Variants in SERTAD4 observed in about 807,000 individuals in gnomAD.
SERTAD4 encodes the protein SERTA domain containing 4.
Under a neutral mutation model 32.9 loss-of-function variants are expected in SERTAD4, and 18 were observed. The ratio of observed to expected loss-of-function variants is 0.55; its 90% CI spans 0.38 to 0.81. The LOEUF is 0.81. Among genes scored for constraint, SERTAD4 ranks in the 30% least tolerant of loss-of-function variants. The pLI is 0.00. For synonymous variants in SERTAD4, 150 were observed against 156.4 expected (o/e 0.96, Z 0.30); for missense variants, 383 against 426.0 (o/e 0.90, Z 0.89).
At chr1:210,236,213 G>A (rs1016743705) in intron 1 of SERTAD4, among the ~76,000 whole-genome samples, 2 of 152,174 alleles carry the variant, frequency 1.3e-5, no homozygotes, top group African/African-American at 4.8e-5. Flanking sequence ...ATGTCCCATC[G>A]TTTCTTTGTA....
At chr1:210,233,530 C>G in intron 1 of SERTAD4, 1 of 369,860 alleles carries the variant, frequency 2.7e-6, no homozygotes, top group Non-Finnish European at 5.3e-6. Context: ...GGAATTGATG[C>G]AGTAGCTGAC....
At chr1:210,238,789 T>C (rs910771086) in intron 2 of SERTAD4, among the ~76,000 whole-genome samples, 5 of 152,226 alleles carry the variant, frequency 3.3e-5, no homozygotes, top group Non-Finnish European at 7.3e-5. Context: ...GATTCTTTCT[T>C]CTTATAGTTT....
At chr1:210,239,873 A>G in intron 3 of SERTAD4, among the ~76,000 whole-genome samples, 1 of 152,122 alleles carries the variant, frequency 6.6e-6, no homozygotes, top group East Asian at 1.9e-4. Context: ...ATGATTTAAT[A>G]TTTCTCAGAC....
At position 210,242,253 on chromosome 1, in the gene SERTAD4, T is replaced by C; in HGVS notation, c.987T>C (p.Asn329=). 6.2e-7 allele frequency: 1 copy of C among 1,613,010 alleles called. No homozygotes were observed. The highest frequency in any genetic ancestry group is 8.5e-7 in the Non-Finnish European group (1 of 1,179,760). ...GATATAATGAAAGAAACAATGTAAATGAATCTTGGAAAAAGTCCTTACGGA... is the reference window on the plus strand; with the variant it reads ...GATATAATGAAAGAAACAATGTAAACGAATCTTGGAAAAAGTCCTTACGGA... ...ETGYNERNNV[N]ESWKKSLRKK... is the part of the protein sequence containing the mutation. The change falls in exon 4 of 4, where the codon AAT becomes AAC. Residue 329 remains asparagine (N), a synonymous_variant. Coordinates refer to ENST00000367012, the MANE Select transcript of SERTAD4 (RefSeq NM_019605.5). The surrounding 1 kb of genome is among the most constrained non-coding windows in gnomAD (Gnocchi z 4.0).
At position 210,244,347 on chromosome 1, in the gene SERTAD4, G is replaced by A. The variant is rs1177030468; in HGVS notation, c.*2010G>A. 1 of 152,200 alleles carries A rather than the reference G, an allele frequency of 6.6e-6. No individual in the cohort carries two copies. The highest frequency in any genetic ancestry group is 1.5e-5 in the Non-Finnish European group (1 of 68,038). The allele number at this position is 152,200 out of a possible 1,614,324, so 9.4% of individuals were successfully genotyped here. A position where few individuals can be genotyped will look rare whatever the true frequency, so the allele number is the denominator to read the frequency against. On this transcript the variant is annotated 3_prime_UTR_variant, in exon 4 of 4. Coordinates refer to ENST00000367012, the MANE Select transcript of SERTAD4 (RefSeq NM_019605.5). ...ATGATGTGGTGATCAATAAGGTTATGTCTGAAAGAATGTAAAGATTTTCCT... is the reference window on the plus strand; with the variant it reads ...ATGATGTGGTGATCAATAAGGTTATATCTGAAAGAATGTAAAGATTTTCCT...
Position 210,238,118 on chromosome 1 carries a change from C to G in SERTAD4, c.158C>G (p.Ala53Gly), listed in dbSNP as rs1248317966. Residue 53 changes from alanine (A) to glycine (G), a missense_variant, in exon 2 of 4, where the codon GCT becomes GGT. Ala to Gly is a moderately conservative substitution (Grantham distance 60, BLOSUM62 0). Transcript: ENST00000367012. The stretch of plus-strand genomic sequence containing the variant: ...GCTCCTTTGCAGGGAGACCGGGGAG[C>G]TGGTCCCCCACTGGCAGGTATTGCC... Reference protein sequence around the residue: ...AQAPLQGDRGAGPPLAGSHYR... With the variant: ...AQAPLQGDRGGGPPLAGSHYR... The G allele has an allele frequency of 3.1e-6, 5 of 1,607,648 alleles. No homozygotes were observed. The highest frequency in any genetic ancestry group is 1.3e-5 in the African/African-American group (1 of 74,530).
At chr1:210,235,674 A>G (rs1482471431) in intron 1 of SERTAD4, among the ~76,000 whole-genome samples, 1 of 152,222 alleles carries the variant, frequency 6.6e-6, no homozygotes, top group Non-Finnish European at 1.5e-5. Context: ...AATTCCTCAC[A>G]ACCAAAAAAG....
In SERTAD4 at chr1:210,243,542, TA is replaced by T. The variant is rs1367083642; in HGVS notation, c.*1208del. ...TCAATAAGGTTTATCTTAAAGAATGTAAAGACTTTAGGTTTTTGAAAGTTAT... is the reference window on the plus strand; with the variant it reads ...TCAATAAGGTTTATCTTAAAGAATGTAAGACTTTAGGTTTTTGAAAGTTAT... On this transcript the variant is annotated 3_prime_UTR_variant, in exon 4 of 4. Coordinates refer to ENST00000367012, the MANE Select transcript of SERTAD4 (RefSeq NM_019605.5). 3.3e-5 allele frequency: 5 copies of T among 152,244 alleles called. No homozygotes were observed. The highest frequency in any genetic ancestry group is 1.2e-4 in the African/African-American group (5 of 41,470). 9.4% of individuals were successfully genotyped at this position (152,244 alleles called of 1,614,324 possible). A position where few individuals can be genotyped will look rare whatever the true frequency, so the allele number is the denominator to read the frequency against.
chr1:210,244,141 C>T lies in SERTAD4; in HGVS notation c.*1804C>T, dbSNP rs2084025673. On this transcript the variant is annotated 3_prime_UTR_variant, in exon 4 of 4. Coordinates refer to ENST00000367012, the MANE Select transcript of SERTAD4 (RefSeq NM_019605.5). ...TTTAATGGCTATTGGCTATGTTTCT[C>T]TTTTCCATTATTCTCTCTCCTTTAA... The T allele has an allele frequency of 6.6e-6, 1 of 152,114 alleles. No individual in the cohort carries two copies. Among genetic ancestry groups the T allele is most frequent in the African/African-American group, 2.4e-5 (1 of 41,420 alleles). The allele number at this position is 152,114 out of a possible 1,614,324, so 9.4% of individuals were successfully genotyped here.
intron 1 of SERTAD4, chr1:210,233,704 C>T (rs1201941781): frequency 1.1e-5 from 5 of 470,914 alleles, no homozygotes; most frequent in South Asian, 3.1e-5. Context: ...TCCTCCCCTC[C>T]CGCCTCTTCG....
In SERTAD4 at chr1:210,243,471, C is replaced by G. The variant is rs1159733351; in HGVS notation, c.*1134C>G. Reference sequence around the variant, plus strand: ...AAGCATGTGGGTTTTTATATATGAACTTTGCTGTTGATTAAGAAGCACAAT... The same window carrying G: ...AAGCATGTGGGTTTTTATATATGAAGTTTGCTGTTGATTAAGAAGCACAAT... On this transcript the variant is annotated 3_prime_UTR_variant, in exon 4 of 4. Coordinates refer to ENST00000367012, the MANE Select transcript of SERTAD4 (RefSeq NM_019605.5). The G allele has an allele frequency of 6.6e-6, 1 of 152,102 alleles. No individual in the cohort carries two copies. The highest frequency in any genetic ancestry group is 2.4e-5 in the African/African-American group (1 of 41,412). The allele number at this position is 152,102 out of a possible 1,614,324, so 9.4% of individuals were successfully genotyped here.
chr1:210,243,005 AT>A lies in SERTAD4; in HGVS notation c.*673del, dbSNP rs2084014069. The A allele has an allele frequency of 7.2e-6, 7 of 966,972 alleles. No homozygotes were observed. The South Asian group carries it at 2.0e-4, about 27-fold the overall frequency. The allele number at this position is 966,972 out of a possible 1,614,324, so 59.9% of individuals were successfully genotyped here. A position where few individuals can be genotyped will look rare whatever the true frequency, so the allele number is the denominator to read the frequency against. On this transcript the variant is annotated 3_prime_UTR_variant, in exon 4 of 4. Coordinates refer to ENST00000367012, the MANE Select transcript of SERTAD4 (RefSeq NM_019605.5). The stretch of plus-strand genomic sequence containing the variant: ...TTTTAGAGAGGTGTTATACAGGGCG[AT>A]TTTTGGTGCCTTACTTTTATCTTAA...
At chr1:210,237,600 T>C (rs2083953673) in intron 1 of SERTAD4, 1 of 199,030 alleles carries the variant, frequency 5.0e-6, no homozygotes, top group Non-Finnish European at 1.0e-5. Flanking sequence ...GGTTTTGGCT[T>C]CTTAGCAGTA....
At position 210,238,522 on chromosome 1, in the gene SERTAD4, A is replaced by G. The variant is rs2083965708; in HGVS notation, c.175+387A>G. On this transcript the variant is annotated intron_variant, in intron 2 of 3. Coordinates refer to ENST00000367012, the MANE Select transcript of SERTAD4 (RefSeq NM_019605.5). ...CAATGACACCTTTATCCCATGAGAT[A>G]TAAAGGAATCTGCACTTTGGGCCAG... 2.0e-5 allele frequency among the ~76,000 whole-genome samples: 3 copies of G among 152,260 alleles called. No individual in the cohort carries two copies. The South Asian group carries it at 6.2e-4, about 31-fold the overall frequency.
intron 2 of SERTAD4, 74 bp downstream of exon 2, chr1:210,238,209 G>T: frequency 1.1e-6 from 1 of 902,618 alleles, no homozygotes; most frequent in Non-Finnish European, 1.7e-6. Context: ...GACAGGAGGT[G>T]GTGTCTGGGG....
chr1:210,237,831 C>G, intron 1 of SERTAD4, 113 bp from the exon 2 acceptor site: 2 of 745,684 alleles, frequency 2.7e-6, no homozygotes, highest in South Asian at 3.7e-5. Context: ...AGGGGAGGGC[C>G]GAGAAGTAAA....
chr1:210,243,082 A>G lies in SERTAD4; in HGVS notation c.*745A>G. On this transcript the variant is annotated 3_prime_UTR_variant, in exon 4 of 4. Transcript: ENST00000367012. The stretch of plus-strand genomic sequence containing the variant: ...TAAATCAGAGTTACAGCAGGGATTT[A>G]ACAAACAGGACAAAAAAAAAAAAAA... 1 of 956,390 alleles carries G rather than the reference A, an allele frequency of 1.0e-6. No individual in the cohort carries two copies. The highest frequency in any genetic ancestry group is 1.2e-6 in the Non-Finnish European group (1 of 810,700). 59.2% of individuals were successfully genotyped at this position (956,390 alleles called of 1,614,324 possible).
rs2084017287 is a variant in SERTAD4, at chr1:210,243,145, CT to C, written c.*809del. 1.0e-6 allele frequency: 1 copy of C among 956,448 alleles called. No individual in the cohort carries two copies. Among genetic ancestry groups the C allele is most frequent in the Admixed American group, 7.0e-5 (1 of 14,380 alleles). 59.2% of individuals were successfully genotyped at this position (956,448 alleles called of 1,614,324 possible). A position where few individuals can be genotyped will look rare whatever the true frequency, so the allele number is the denominator to read the frequency against. The stretch of plus-strand genomic sequence containing the variant: ...AGGGTGGATCAATATGGTTTGGAAA[CT>C]GTTAACTTTGAACTATTGTGTTCAG... On this transcript the variant is annotated 3_prime_UTR_variant, in exon 4 of 4. Transcript: ENST00000367012.
At chr1:210,240,079 A>G (rs971510793) in intron 3 of SERTAD4, among the ~76,000 whole-genome samples, 6 of 152,142 alleles carry the variant, frequency 3.9e-5, no homozygotes, top group Non-Finnish European at 8.8e-5. Flanking sequence ...GTGTGTATAC[A>G]AGTAGAAATA....
Sources: gnomAD v4.1 joint callset for allele counts (sites outside exome capture counted in the v4.1 genomes callset) on GRCh38, gnomAD v4.1.1 for gene constraint, Gnocchi (gnomAD v3.1) non-coding constraint, MANE v1.5 for transcripts, NCBI Gene and HGNC (gene_info 2026-07-23, HGNC 2026-07-21) for gene names.